Variants in PKHD1 observed in about 807,000 individuals in gnomAD.
PKHD1 encodes fibrocystin.
Under a neutral mutation model 412.0 loss-of-function variants are expected in PKHD1, and 291 were observed. The ratio of observed to expected loss-of-function variants is 0.71; its 90% CI spans 0.64 to 0.78. The LOEUF (loss-of-function observed/expected upper bound fraction) is 0.78, where lower values mean the gene tolerates loss of function less well. PKHD1 is among the 30% of genes least tolerant of loss of function. PKHD1 has a pLI of 0.00. For missense variants in PKHD1, 4,825 were observed against 4,950.7 expected, an observed-to-expected ratio of 0.97 and a Z score of 0.76; for synonymous variants, 1,777 against 1,821.5, an observed-to-expected ratio of 0.98 and a Z score of 0.62.
At chr6:51,883,264 C>A in intron 45 of PKHD1, 37 bp from the exon 46 acceptor site, 1 of 1,592,314 alleles carries the variant, frequency 6.3e-7, no homozygotes, top group Non-Finnish European at 8.6e-7. Flanking sequence ...AGGTCTGAGG[C>A]TTGGTTTTTC....
rs926037654 is a variant in PKHD1, at chr6:51,617,831, C to G, written c.*1250G>C. 1 of 151,730 alleles carries G rather than the reference C, an allele frequency of 6.6e-6. No individual in the cohort carries two copies. Among genetic ancestry groups the G allele is most frequent in the African/African-American group, 2.4e-5 (1 of 41,240 alleles). The allele number at this position is 151,730 out of a possible 1,614,324, so 9.4% of individuals were successfully genotyped here. A position where few individuals can be genotyped will look rare whatever the true frequency, so the allele number is the denominator to read the frequency against. The stretch of plus-strand genomic sequence containing the variant: ...CAATGAAAGAGTGTGTTTCCTTTCT[C>G]TCTTCCAATGCAACTACACAACAAC... On this transcript the variant is annotated 3_prime_UTR_variant, in exon 67 of 67. Coordinates refer to ENST00000371117, the MANE Select transcript of PKHD1 (RefSeq NM_138694.4).
At chr6:52,029,390 G>T (rs940404963) in intron 29 of PKHD1, among the ~76,000 whole-genome samples, 3 of 152,016 alleles carry the variant, frequency 2.0e-5, no homozygotes, top group Non-Finnish European at 4.4e-5. Context: ...ATGCTGCAAG[G>T]GGCACAAAAT....
rs146522121 is a variant in PKHD1 at position 51,723,395 on chromosome 6, A to G, written c.10156+20990T>C. Among the ~76,000 whole-genome samples the G allele has an allele frequency of 2.0e-3, 309 of 152,282 alleles. 1 individual carries two copies. The highest frequency in any genetic ancestry group is 2.7e-3 in the Non-Finnish European group (186 of 68,016). On this transcript the variant is annotated intron_variant, in intron 60 of 66. Coordinates refer to ENST00000371117, the MANE Select transcript of PKHD1 (RefSeq NM_138694.4). ...CCTCCTGCACTATTCATTCCCCAAC[A>G]TGCGTGATCCTGTTTGGAGTTGGGA... is the stretch of plus-strand genomic sequence containing the variant.
At chr6:51,716,912 A>G (rs1442177284) in intron 60 of PKHD1, among the ~76,000 whole-genome samples, 4 of 152,090 alleles carry the variant, frequency 2.6e-5, no homozygotes, top group African/African-American at 9.7e-5. Flanking sequence ...AGAAAAGAAA[A>G]AGAGAGAGGG....
At chr6:51,900,107 G>A (rs1780978307) in intron 43 of PKHD1, among the ~76,000 whole-genome samples, 2 of 152,132 alleles carry the variant, frequency 1.3e-5, no homozygotes, top group Admixed American at 6.5e-5. Flanking sequence ...GTAATTTACA[G>A]ATTCAGTGCC....
intron 63 of PKHD1, among the ~76,000 whole-genome samples, chr6:51,642,723 C>G (rs1769532957): frequency 6.6e-6 from 1 of 151,958 alleles, no homozygotes; most frequent in Non-Finnish European, 1.5e-5. Context: ...ACCTGTAATC[C>G]CAGCTACTCA....
At chr6:51,908,532 T>C (rs1404559722) in intron 40 of PKHD1, among the ~76,000 whole-genome samples, 1 of 152,154 alleles carries the variant, frequency 6.6e-6, no homozygotes, top group Non-Finnish European at 1.5e-5. Context: ...TGCACCCCCA[T>C]TCTGTGATTC....
chr6:51,733,720 T>C (rs1403359887), intron 60 of PKHD1, among the ~76,000 whole-genome samples: 1 of 152,238 alleles, frequency 6.6e-6, no homozygotes, highest in Non-Finnish European at 1.5e-5. Context: ...ATTGTCTTAC[T>C]GTCTTTGAAT....
chr6:51,825,734 T>C (rs1405545116), intron 52 of PKHD1, among the ~76,000 whole-genome samples: 1 of 151,970 alleles, frequency 6.6e-6, no homozygotes, highest in Non-Finnish European at 1.5e-5. Flanking sequence ...TTCTGGGTGG[T>C]TTGCCAGGTA....
intron 9 of PKHD1, among the ~76,000 whole-genome samples, chr6:52,070,668 G>A (rs1810479212): frequency 6.6e-6 from 1 of 151,978 alleles, no homozygotes; most frequent in Non-Finnish European, 1.5e-5. Context: ...TGGACTTCTA[G>A]CAATAAAAGG....
intron 51 of PKHD1, among the ~76,000 whole-genome samples, chr6:51,835,223 A>C (rs2151541962): frequency 6.6e-6 from 1 of 152,270 alleles, no homozygotes; most frequent in East Asian, 1.9e-4. Flanking sequence ...CTGACTACAG[A>C]TGGTTGAACC....
At chr6:52,061,025 C>A (rs557153497) in intron 14 of PKHD1, among the ~76,000 whole-genome samples, 127 of 152,268 alleles carry the variant, frequency 8.3e-4, no homozygotes, top group African/African-American at 3.0e-3. Context: ...TCAAAATGTT[C>A]TTTTGCCTTT....
chr6:52,072,415 T>G (rs1281051488), intron 7 of PKHD1, among the ~76,000 whole-genome samples: 2 of 152,124 alleles, frequency 1.3e-5, no homozygotes. Flanking sequence ...TAGTTCTCCC[T>G]TCCCAAAAAA....
chr6:51,916,470 T>C (rs531210405), intron 37 of PKHD1, among the ~76,000 whole-genome samples: 7 of 152,146 alleles, frequency 4.6e-5, no homozygotes, highest in Non-Finnish European at 8.8e-5. Context: ...GTAATAGATA[T>C]CAGCACAAAG....
rs1780628374 is a variant in PKHD1, at chr6:51,898,789, AG to A, written c.6996+4807del. Among the ~76,000 whole-genome samples the A allele has an allele frequency of 2.1e-5, 3 of 139,838 alleles. No homozygotes were observed. The South Asian group carries it at 7.2e-4, about 34-fold the overall frequency. 91.7% of individuals were successfully genotyped at this position (139,838 alleles called of 152,430 possible). A position where few individuals can be genotyped will look rare whatever the true frequency, so the allele number is the denominator to read the frequency against. On this transcript the variant is annotated intron_variant, in intron 43 of 66. Transcript: ENST00000371117. ...CTAGCAAGACTAATAAAGAAAAAAAAGAGAGAAGAATCAAATAGACGCAATA... is the reference window on the plus strand; with the variant it reads ...CTAGCAAGACTAATAAAGAAAAAAAAAGAGAAGAATCAAATAGACGCAATA...
chr6:51,772,839 G>C, intron 54 of PKHD1, 50 bp from the exon 55 acceptor site: 1 of 1,022,670 alleles, frequency 9.8e-7, no homozygotes, highest in South Asian at 1.3e-5. Context: ...TCAGAGGAAT[G>C]AAAGCCAGGT....
chr6:51,698,234 T>C (rs530088540), intron 60 of PKHD1, among the ~76,000 whole-genome samples: 1 of 152,336 alleles, frequency 6.6e-6, no homozygotes, highest in South Asian at 2.1e-4. Context: ...AATAATTGTA[T>C]TCCCATTCGT....
At chr6:51,796,433 T>C (rs931124623) in intron 52 of PKHD1, among the ~76,000 whole-genome samples, 3 of 13,284 alleles carry the variant, frequency 2.3e-4, no homozygotes, top group African/African-American at 4.9e-4. Flanking sequence ...ATTTAATTAG[T>C]TTTTTTTTCA....
chr6:52,036,162 C>A (rs1230030505), intron 27 of PKHD1, among the ~76,000 whole-genome samples: 2 of 152,198 alleles, frequency 1.3e-5, no homozygotes, highest in African/African-American at 4.8e-5. Context: ...CTACTTTTAG[C>A]AGGTCATTGC....
Sources: gnomAD v4.1 joint callset for allele counts (sites outside exome capture counted in the v4.1 genomes callset) on GRCh38, gnomAD v4.1.1 for gene constraint, MANE v1.5 for transcripts, NCBI Gene and HGNC (gene_info 2026-07-23, HGNC 2026-07-21) for gene names.